The following ASPH variants were observed in gnomAD, a reference collection of about 807,000 sequenced individuals.
The protein encoded by ASPH is aspartate beta-hydroxylase.
A neutral mutation model predicts 118.4 loss-of-function variants in ASPH; 100 were observed. The ratio of observed to expected loss-of-function variants is 0.84; its 90% CI spans 0.72 to 1.00. The LOEUF is 1.00. ASPH is among the 50% of genes least tolerant of loss of function. ASPH has a pLI of 0.00. For missense variants in ASPH, 920 were observed against 919.5 expected (o/e 1.00, Z -0.01); for synonymous variants, 315 against 325.6 (o/e 0.97, Z 0.35).
At chr8:61,685,542 TTCTAAGTCCAGTTCTAATTACAGAA>T (rs1830138154) in intron 1 of ASPH, among the ~76,000 whole-genome samples, 1 of 152,106 alleles carries the variant, frequency 6.6e-6, no homozygotes, top group African/African-American at 2.4e-5. Context: ...GCCCTTTGAC[TTCTAAGTCCAGTTCTAATTACAGAA>T]TACTATTAGT....
chr8:61,512,565 A>G (rs1270158144), intron 24 of ASPH, among the ~76,000 whole-genome samples: 1 of 152,232 alleles, frequency 6.6e-6, no homozygotes, highest in African/African-American at 2.4e-5. Flanking sequence ...CCACGAAATA[A>G]TACATTTCTG....
At chr8:61,692,972 A>G (rs7842321) in intron 1 of ASPH, among the ~76,000 whole-genome samples, 127,837 of 151,330 alleles carry the variant, frequency 0.84, 54,223 homozygotes, top group African/African-American at 0.91. Flanking sequence ...AAAAAAGAAA[A>G]CGATGACATC....
At chr8:61,612,349 A>G (rs1362143094) in intron 14 of ASPH, among the ~76,000 whole-genome samples, 2 of 151,274 alleles carry the variant, frequency 1.3e-5, no homozygotes, top group African/African-American at 4.9e-5. Context: ...ATCCAATGGG[A>G]AAAAATGATT....
At chr8:61,635,215 A>G (rs1857210822) in intron 12 of ASPH, among the ~76,000 whole-genome samples, 1 of 152,028 alleles carries the variant, frequency 6.6e-6, no homozygotes, top group Admixed American at 6.6e-5. Context: ...ACATATTCAC[A>G]TTTTCCCTTC....
At chr8:61,507,191 G>A (rs1438449622) in intron 24 of ASPH, among the ~76,000 whole-genome samples, 1 of 152,182 alleles carries the variant, frequency 6.6e-6, no homozygotes, top group Non-Finnish European at 1.5e-5. Flanking sequence ...GGTCACTCAT[G>A]GAACATCAGT....
chr8:61,586,126 T>A (rs78416858), intron 14 of ASPH, among the ~76,000 whole-genome samples: 1 of 152,206 alleles, frequency 6.6e-6, no homozygotes, highest in Non-Finnish European at 1.5e-5. Flanking sequence ...TTGACTTTTA[T>A]GTTGCCCACT....
intron 1 of ASPH, among the ~76,000 whole-genome samples, chr8:61,705,158 T>C (rs1345683022): frequency 1.3e-5 from 2 of 152,074 alleles, no homozygotes; most frequent in African/African-American, 2.4e-5. Context: ...CAGAGAACCA[T>C]GTTCTTATTA....
At chr8:61,659,024 G>C (rs1391552461) in intron 3 of ASPH, 3 of 152,514 alleles carry the variant, frequency 2.0e-5, no homozygotes, top group East Asian at 3.8e-4. Context: ...GGGAGGGTCA[G>C]AGATGTCTGA....
At chr8:61,576,180 A>G (rs1835072457) in intron 16 of ASPH, among the ~76,000 whole-genome samples, 1 of 152,192 alleles carries the variant, frequency 6.6e-6, no homozygotes, top group Admixed American at 6.5e-5. Flanking sequence ...AAAAGAATGC[A>G]AAACAGACAT....
At chr8:61,697,749 T>G (rs1834267035) in intron 1 of ASPH, among the ~76,000 whole-genome samples, 1 of 152,202 alleles carries the variant, frequency 6.6e-6, no homozygotes, top group African/African-American at 2.4e-5. Flanking sequence ...GTGCCAAGTT[T>G]CCATGTGTTT....
intron 3 of ASPH, chr8:61,676,050 A>G: frequency 6.3e-7 from 1 of 1,597,858 alleles, no homozygotes; most frequent in Non-Finnish European, 8.5e-7. Flanking sequence ...TTCATTAGCC[A>G]ATGACTTCAG....
chr8:61,502,773 CT>C lies in ASPH; in HGVS notation c.*585del, dbSNP rs1225658577. On this transcript the variant is annotated 3_prime_UTR_variant, in exon 25 of 25. Transcript: ENST00000379454. Reference sequence around the variant, plus strand: ...AGTTCATAGACACTGACATAATGAGCTCTTTCTTTTTTGTTAGGAAAATAAA... The same window carrying C: ...AGTTCATAGACACTGACATAATGAGCCTTTCTTTTTTGTTAGGAAAATAAA... 2 of 152,232 alleles carry C rather than the reference CT, an allele frequency of 1.3e-5. No homozygotes were observed. The highest frequency in any genetic ancestry group is 4.8e-5 in the African/African-American group (2 of 41,544). The allele number at this position is 152,232 out of a possible 1,614,324, so 9.4% of individuals were successfully genotyped here. A position where few individuals can be genotyped will look rare whatever the true frequency, so the allele number is the denominator to read the frequency against.
rs549132012 is a variant in ASPH, at chr8:61,635,527, C to T, written c.890-1800G>A. ...CAGAGTTAAAATGTCTGATCTGGGG[C>T]GTTTTATTTTCTCTCCTAAACCAGT... On this transcript the variant is annotated intron_variant, in intron 12 of 24. Transcript: ENST00000379454. Among the ~76,000 whole-genome samples the T allele has an allele frequency of 5.3e-5, 8 of 152,142 alleles. 1 individual carries two copies. The highest frequency in any genetic ancestry group is 1.2e-4 in the African/African-American group (5 of 41,538).
At chr8:61,585,507 G>A (rs192433034) in intron 14 of ASPH, among the ~76,000 whole-genome samples, 2 of 152,132 alleles carry the variant, frequency 1.3e-5, no homozygotes, top group African/African-American at 4.8e-5. Context: ...TCTTTCTAAG[G>A]TCCCCTCTCC....
chr8:61,567,856 C>T (rs1832258125), intron 16 of ASPH, among the ~76,000 whole-genome samples: 1 of 152,168 alleles, frequency 6.6e-6, no homozygotes, highest in Non-Finnish European at 1.5e-5. Flanking sequence ...AAAAACAAAG[C>T]AGGCTTAGGA....
intron 3 of ASPH, chr8:61,659,913 T>C (rs1588830471): frequency 6.6e-6 from 1 of 152,128 alleles, no homozygotes; most frequent in East Asian, 1.9e-4. Flanking sequence ...ATTCTTTCAA[T>C]GGTCTAAAAC....
chr8:61,625,163 T>G (rs2150594943), intron 13 of ASPH: 1 of 985,746 alleles, frequency 1.0e-6, no homozygotes, highest in East Asian at 1.1e-4. Flanking sequence ...GTAGCTACCT[T>G]CTTTTCTGAC....
intron 16 of ASPH, 72 bp downstream of exon 16, chr8:61,576,700 G>A: frequency 7.7e-7 from 1 of 1,302,690 alleles, no homozygotes; most frequent in Non-Finnish European, 1.1e-6. Flanking sequence ...AAATAGTGAG[G>A]AGTAAAAAAT....
intron 22 of ASPH, among the ~76,000 whole-genome samples, chr8:61,524,891 A>G (rs1217264785): frequency 6.6e-6 from 1 of 152,170 alleles, no homozygotes; most frequent in Non-Finnish European, 1.5e-5. Context: ...CAAGGTGAAC[A>G]CATAAGTGCC....
Sources: gnomAD v4.1 joint callset for allele counts (sites outside exome capture counted in the v4.1 genomes callset) on GRCh38, gnomAD v4.1.1 for gene constraint, MANE v1.5 for transcripts, NCBI Gene and HGNC (gene_info 2026-07-23, HGNC 2026-07-21) for gene names.